Variants in LARP1B observed in about 807,000 individuals in gnomAD.
LARP1B encodes La ribonucleoprotein 1B.
In LARP1B, 76 loss-of-function variants were observed where a neutral mutation model predicts 114.2. The observed-to-expected ratio is 0.67, with a 90% confidence interval of 0.55 to 0.81. The LOEUF (loss-of-function observed/expected upper bound fraction) is 0.81. Among genes scored for constraint, LARP1B ranks in the 30% least tolerant of loss-of-function variants. The pLI is 0.00. For synonymous variants in LARP1B, 345 were observed against 348.0 expected (o/e 0.99, Z 0.10); for missense variants, 1,014 against 1,075.8 (o/e 0.94, Z 0.80).
At chr4:128,061,301 C>A (rs1490769375), upstream of LARP1B, 1 of 152,386 alleles carries the variant, frequency 6.6e-6, no homozygotes, top group Non-Finnish European at 1.5e-5. Flanking sequence ...CGTCTCCACG[C>A]CTCCGCGGGC....
At chr4:128,141,980 G>T (rs1728261666) in intron 11 of LARP1B, among the ~76,000 whole-genome samples, 1 of 152,290 alleles carries the variant, frequency 6.6e-6, no homozygotes, top group Admixed American at 6.5e-5. Context: ...CAGAGTATTT[G>T]GTATAAAGGT....
intron 11 of LARP1B, among the ~76,000 whole-genome samples, chr4:128,153,487 G>C (rs939769737): frequency 2.0e-5 from 3 of 151,910 alleles, no homozygotes; most frequent in Non-Finnish European, 4.4e-5. Flanking sequence ...TGTACTTTTA[G>C]TAGAGATGGG....
Position 128,091,471 on chromosome 4 carries a change from T to G in LARP1B, c.627T>G (p.Pro209=). The change falls in exon 7 of 20, where the codon CCT becomes CCG. Residue 209 remains proline, a synonymous_variant. Transcript: ENST00000326639. ...YDDGTGVQVY[P]VEEALLKEYI... ...ATGGTACAGGTGTACAGGTGTATCCTGTGGAAGAAGCATTGCTTAAAGAGT... is the reference window on the plus strand; with the variant it reads ...ATGGTACAGGTGTACAGGTGTATCCGGTGGAAGAAGCATTGCTTAAAGAGT... The G allele has an allele frequency of 6.2e-7, 1 of 1,609,394 alleles. No individual in the cohort carries two copies. The highest frequency in any genetic ancestry group is 1.1e-5 in the South Asian group (1 of 89,648).
intron 5 of LARP1B, among the ~76,000 whole-genome samples, chr4:128,086,782 C>A (rs1420568012): frequency 1.3e-5 from 2 of 152,018 alleles, no homozygotes; most frequent in African/African-American, 4.8e-5. Flanking sequence ...TTAGGTTGAT[C>A]AGTCCATTAT....
chr4:128,107,507 T>A, intron 9 of LARP1B, 194 bp downstream of exon 9: 1 of 1,407,040 alleles, frequency 7.1e-7, no homozygotes, highest in East Asian at 2.5e-5. Flanking sequence ...TTAAGAATTA[T>A]GAGGAAAGCT....
chr4:128,087,867 T>C (rs574195170), intron 5 of LARP1B, among the ~76,000 whole-genome samples: 2 of 152,030 alleles, frequency 1.3e-5, no homozygotes, highest in Non-Finnish European at 2.9e-5. Context: ...TATATATATA[T>C]GCATATGTAT....
intron 11 of LARP1B, among the ~76,000 whole-genome samples, chr4:128,159,844 A>G (rs1737611244): frequency 4.6e-5 from 7 of 152,202 alleles, no homozygotes; most frequent in Admixed American, 4.6e-4. Flanking sequence ...CAATTCAGCA[A>G]TTCCACTCCT....
At chr4:128,135,541 A>AT (rs1309250665) in intron 11 of LARP1B, among the ~76,000 whole-genome samples, 1 of 152,210 alleles carries the variant, frequency 6.6e-6, no homozygotes, top group Non-Finnish European at 1.5e-5. Flanking sequence ...CAGTGGAGGA[A>AT]TGGATAAACA....
chr4:128,094,531 C>G (rs535025979), intron 7 of LARP1B, among the ~76,000 whole-genome samples: 17 of 151,176 alleles, frequency 1.1e-4, no homozygotes, highest in Middle Eastern at 6.8e-3. Context: ...CTTAGCCTCT[C>G]GAATAGCTGG....
At chr4:128,196,468 A>G (rs893471342) in intron 15 of LARP1B, among the ~76,000 whole-genome samples, 17 of 151,812 alleles carry the variant, frequency 1.1e-4, no homozygotes, top group Non-Finnish European at 2.5e-4. Flanking sequence ...GCAGTGAGCC[A>G]TGACCATGCC....
At chr4:128,149,009 A>G (rs918870808) in intron 11 of LARP1B, among the ~76,000 whole-genome samples, 1 of 152,218 alleles carries the variant, frequency 6.6e-6, no homozygotes, top group Non-Finnish European at 1.5e-5. Flanking sequence ...ATGAAAGGAT[A>G]TGGTAAAACT....
At chr4:128,126,100 AC>A (rs1414903353) in intron 11 of LARP1B, among the ~76,000 whole-genome samples, 1 of 151,140 alleles carries the variant, frequency 6.6e-6, no homozygotes, top group Non-Finnish European at 1.5e-5. Context: ...GCAGAAACAT[AC>A]CTTAAAATAA....
intron 15 of LARP1B, among the ~76,000 whole-genome samples, chr4:128,181,849 A>G (rs1006119775): frequency 2.4e-5 from 3 of 125,396 alleles, no homozygotes; most frequent in African/African-American, 6.2e-5. Flanking sequence ...TCTGTCGCCC[A>G]GGCTGGAGTG....
At chr4:128,179,575 T>A in intron 15 of LARP1B, 63 bp downstream of exon 15, 1 of 982,262 alleles carries the variant, frequency 1.0e-6, no homozygotes, top group Non-Finnish European at 1.5e-6. Context: ...AAACAGTTAC[T>A]AATTGGATAT....
At chr4:128,139,216 T>C (rs11728245) in intron 11 of LARP1B, among the ~76,000 whole-genome samples, 89,979 of 152,036 alleles carry the variant, frequency 0.59, 27,748 homozygotes, top group Middle Eastern at 0.8. Flanking sequence ...TCATTACACA[T>C]TGTATACAGG....
rs139181238 is a variant in LARP1B, at chr4:128,152,947, G to C, written c.1525-9247G>C. The stretch of plus-strand genomic sequence containing the variant: ...ACACAACAGGATTTATTATTTTACA[G>C]TTTTAAGTTTACAATTTTGGTTTGC... On this transcript the variant is annotated intron_variant, in intron 11 of 19. Coordinates refer to ENST00000326639, the MANE Select transcript of LARP1B (RefSeq NM_018078.4). Among the ~76,000 whole-genome samples, 27 of 101,596 alleles carry C rather than the reference G, an allele frequency of 2.7e-4. No homozygotes were observed. In the East Asian group the frequency reaches 8.3e-3, roughly 31 times the overall value. The allele number at this position is 101,596 out of a possible 152,430, so 66.7% of individuals were successfully genotyped here. A position where few individuals can be genotyped will look rare whatever the true frequency, so the allele number is the denominator to read the frequency against.
intron 4 of LARP1B, among the ~76,000 whole-genome samples, chr4:128,080,927 T>C (rs1770089808): frequency 6.6e-6 from 1 of 152,172 alleles, no homozygotes; most frequent in Admixed American, 6.6e-5. Flanking sequence ...CTAAAAGTGC[T>C]GCAAACCTAA....
chr4:128,079,699 G>A (rs969091873), intron 4 of LARP1B, among the ~76,000 whole-genome samples: 1 of 152,214 alleles, frequency 6.6e-6, no homozygotes, highest in Admixed American at 6.5e-5. Flanking sequence ...GAGTAGCTGG[G>A]ACTACAGGCA....
intron 6 of LARP1B, among the ~76,000 whole-genome samples, chr4:128,219,402 C>A (rs1286626842): frequency 1.4e-5 from 1 of 69,904 alleles, no homozygotes; most frequent in Non-Finnish European, 2.8e-5. Flanking sequence ...ACCCAAATGT[C>A]CAACAATGAT....
Sources: gnomAD v4.1 joint callset for allele counts (sites outside exome capture counted in the v4.1 genomes callset) on GRCh38, gnomAD v4.1.1 for gene constraint, MANE v1.5 for transcripts, NCBI Gene and HGNC (gene_info 2026-07-23, HGNC 2026-07-21) for gene names.